Variants in BMPR1B observed in about 807,000 individuals in gnomAD.
BMPR1B encodes the protein bone morphogenetic protein receptor type 1B.
BMPR1B carries 12 observed loss-of-function variants against 59.1 expected under a neutral mutation model. The ratio of observed to expected loss-of-function variants is 0.20; its 90% CI spans 0.13 to 0.33. The LOEUF is 0.33. BMPR1B is among the 10% of genes least tolerant of loss of function. The pLI, the probability that BMPR1B is intolerant of heterozygous loss-of-function variation, is 1.00. For synonymous variants in BMPR1B, 237 were observed against 207.3 expected, an observed-to-expected ratio of 1.14 and a Z score of -1.23; for missense variants, 550 against 610.9, an observed-to-expected ratio of 0.90 and a Z score of 1.05.
At chr4:94,764,502 G>T (rs1012177704) in intron 1 of BMPR1B, among the ~76,000 whole-genome samples, 1 of 152,106 alleles carries the variant, frequency 6.6e-6, no homozygotes, top group Non-Finnish European at 1.5e-5. Context: ...CCCACACCCT[G>T]TTACATTGTC....
At chr4:95,124,359 T>G (rs1479817296) in intron 7 of BMPR1B, among the ~76,000 whole-genome samples, 5 of 152,112 alleles carry the variant, frequency 3.3e-5, no homozygotes, top group Admixed American at 2.6e-4. Flanking sequence ...TCCTATTTTT[T>G]TAATGGCCTA....
chr4:95,061,867 G>A (rs1727423757), intron 3 of BMPR1B, among the ~76,000 whole-genome samples: 1 of 152,148 alleles, frequency 6.6e-6, no homozygotes, highest in Non-Finnish European at 1.5e-5. Flanking sequence ...GGAGGGACCT[G>A]GTGGGAGGTG....
rs578219788 is a variant in BMPR1B, at chr4:94,761,447, G to A, written c.-183+3379G>A. Among the ~76,000 whole-genome samples, 415 of 149,640 alleles carry A rather than the reference G, an allele frequency of 2.8e-3. 1 individual carries two copies. Among genetic ancestry groups the A allele is most frequent in the African/African-American group, 6.2e-3 (247 of 39,972 alleles). On this transcript the variant is annotated intron_variant, in intron 1 of 12. Transcript: ENST00000515059. ...TGTGTGTGTGTGTGTGTGTGTGTGT[G>A]TGTGTGTGTGTGTGTTGAAGGGGGT... is the stretch of plus-strand genomic sequence containing the variant.
chr4:94,930,708 C>G (rs1729065737), intron 2 of BMPR1B, among the ~76,000 whole-genome samples: 1 of 151,978 alleles, frequency 6.6e-6, no homozygotes, highest in Admixed American at 6.6e-5. Context: ...CAGACAATTA[C>G]AATATAGTGT....
intron 1 of BMPR1B, among the ~76,000 whole-genome samples, chr4:94,864,513 T>C (rs1032730802): frequency 2.0e-5 from 3 of 152,222 alleles, no homozygotes; most frequent in African/African-American, 7.2e-5. Context: ...GTTTGTTAGC[T>C]GCTGTTTCTA....
In BMPR1B at chr4:94,949,308, C is replaced by CTTTTTT. The variant is rs1216699208; in HGVS notation, c.-112-46718_-112-46713dup. ...TCCCTGCAAAGGACATGAACTCATTCTTTTTTTTTTTTTTTTTTTGAGACG... is the reference window on the plus strand; with the variant it reads ...TCCCTGCAAAGGACATGAACTCATTCTTTTTTTTTTTTTTTTTTTTTTTTTGAGACG... On this transcript the variant is annotated intron_variant, in intron 2 of 12. Transcript: ENST00000515059. Among the ~76,000 whole-genome samples, 5 of 81,954 alleles carry CTTTTTT rather than the reference C, an allele frequency of 6.1e-5. 1 individual carries two copies. The highest frequency in any genetic ancestry group is 5.0e-4 in the South Asian group (1 of 2,018). 53.8% of individuals were successfully genotyped at this position (81,954 alleles called of 152,430 possible). A position where few individuals can be genotyped will look rare whatever the true frequency, so the allele number is the denominator to read the frequency against.
At chr4:95,080,927 T>C (rs1224369678) in intron 3 of BMPR1B, among the ~76,000 whole-genome samples, 2 of 152,170 alleles carry the variant, frequency 1.3e-5, no homozygotes, top group Non-Finnish European at 2.9e-5. Context: ...TGAGAATCAA[T>C]GGTTATTGAT....
intron 2 of BMPR1B, among the ~76,000 whole-genome samples, chr4:94,909,850 G>C (rs1380326388): frequency 2.0e-5 from 3 of 151,996 alleles, no homozygotes; most frequent in Non-Finnish European, 4.4e-5. Flanking sequence ...TCTCCAGGTG[G>C]CTGTGGTTAC....
At chr4:94,825,841 CAA>C (rs1397269363) in intron 1 of BMPR1B, among the ~76,000 whole-genome samples, 1 of 152,044 alleles carries the variant, frequency 6.6e-6, no homozygotes, top group African/African-American at 2.4e-5. Flanking sequence ...AAAATAAAAA[CAA>C]ATTTTATAAG....
intron 1 of BMPR1B, among the ~76,000 whole-genome samples, chr4:94,825,340 G>A (rs1005907669): frequency 2.0e-5 from 3 of 151,714 alleles, no homozygotes; most frequent in Non-Finnish European, 2.9e-5. Context: ...TCATCTTTAC[G>A]AAAAATTTTT....
chr4:94,866,426 T>C (rs768082646), intron 1 of BMPR1B, among the ~76,000 whole-genome samples: 1 of 152,244 alleles, frequency 6.6e-6, no homozygotes, highest in East Asian at 1.9e-4. Context: ...TCTTCTCTCT[T>C]TCTTCTCTTT....
At chr4:94,925,615 A>G (rs1728854404) in intron 2 of BMPR1B, among the ~76,000 whole-genome samples, 1 of 152,190 alleles carries the variant, frequency 6.6e-6, no homozygotes, top group Admixed American at 6.6e-5. Flanking sequence ...AACAACCAAG[A>G]GCACATGCCT....
At chr4:94,983,371 GCCTA>G (rs1455047347) in intron 2 of BMPR1B, among the ~76,000 whole-genome samples, 1 of 152,078 alleles carries the variant, frequency 6.6e-6, no homozygotes, top group East Asian at 1.9e-4. Context: ...TTAAAACTAA[GCCTA>G]CCACATAGCA....
rs987847846 is a variant in BMPR1B, at chr4:94,908,008, C to G, written c.-113+32108C>G. On this transcript the variant is annotated intron_variant, in intron 2 of 12. Transcript: ENST00000515059. Reference sequence around the variant, plus strand: ...GAGGCTGTAGTGTGCAATGCTCTTACCTGTGAATAGCCATGGCCCTCCAAC... The same window carrying G: ...GAGGCTGTAGTGTGCAATGCTCTTAGCTGTGAATAGCCATGGCCCTCCAAC... Among the ~76,000 whole-genome samples the G allele has an allele frequency of 3.7e-5, 5 of 135,954 alleles. No homozygotes were observed. The Admixed American group carries it at 4.0e-4, about 11-fold the overall frequency. The allele number at this position is 135,954 out of a possible 152,430, so 89.2% of individuals were successfully genotyped here.
At chr4:95,009,222 A>C (rs1460499596) in intron 3 of BMPR1B, among the ~76,000 whole-genome samples, 1 of 152,194 alleles carries the variant, frequency 6.6e-6, no homozygotes, top group Non-Finnish European at 1.5e-5. Flanking sequence ...GATAAATTGA[A>C]ACCGAACATA....
chr4:95,140,653 A>G (rs2149315734), intron 10 of BMPR1B, among the ~76,000 whole-genome samples: 1 of 152,216 alleles, frequency 6.6e-6, no homozygotes, highest in African/African-American at 2.4e-5. Context: ...ATTTTGGGAC[A>G]TGCTTCATTT....
At chr4:94,816,658 TCTTAATTAAAAAAATCTAG>T (rs1480587591) in intron 1 of BMPR1B, among the ~76,000 whole-genome samples, 33 of 152,314 alleles carry the variant, frequency 2.2e-4, no homozygotes, top group Non-Finnish European at 4.7e-4. Flanking sequence ...ATGAAATACT[TCTTAATTAAAAAAATCTAG>T]CTACTGCATT....
intron 2 of BMPR1B, among the ~76,000 whole-genome samples, chr4:94,939,001 A>G (rs1381535549): frequency 6.6e-6 from 1 of 152,094 alleles, no homozygotes; most frequent in Non-Finnish European, 1.5e-5. Context: ...ACAGAATGAG[A>G]CCCTGTCTCT....
At chr4:94,832,459 A>G (rs1316645560) in intron 1 of BMPR1B, among the ~76,000 whole-genome samples, 2 of 152,158 alleles carry the variant, frequency 1.3e-5, no homozygotes, top group Non-Finnish European at 2.9e-5. Context: ...CTGATTTTAC[A>G]TGTTTGATCA....
Sources: gnomAD v4.1 joint callset for allele counts (sites outside exome capture counted in the v4.1 genomes callset) on GRCh38, gnomAD v4.1.1 for gene constraint, MANE v1.5 for transcripts, NCBI Gene and HGNC (gene_info 2026-07-23, HGNC 2026-07-21) for gene names.